Variants in TOM1L2 observed in about 807,000 individuals in gnomAD.
The protein encoded by TOM1L2 is TOM1-like protein 2.
A neutral mutation model predicts 67.9 loss-of-function variants in TOM1L2; 31 were observed. That is an observed-to-expected ratio of 0.46 (90% confidence interval 0.34 to 0.62). The LOEUF is 0.62. TOM1L2 is among the 20% of genes least tolerant of loss of function. The probability of loss-of-function intolerance (pLI) is 0.01; values close to 1 mark genes in which losing one functional copy is unlikely to be tolerated. For synonymous variants in TOM1L2, 256 were observed against 254.0 expected (o/e 1.01, Z -0.07); for missense variants, 606 against 663.5 (o/e 0.91, Z 0.95).
chr17:17,965,842 C>T (rs1369763249), intron 1 of TOM1L2, among the ~76,000 whole-genome samples: 5 of 152,126 alleles, frequency 3.3e-5, no homozygotes, highest in Admixed American at 6.5e-5. Context: ...AAAACGGGGC[C>T]GGGCATGGTG....
chr17:17,912,366 GGA>G (rs2039414270), intron 1 of TOM1L2, among the ~76,000 whole-genome samples: 1 of 148,554 alleles, frequency 6.7e-6, no homozygotes, highest in South Asian at 2.2e-4. Flanking sequence ...GCTGCCGGGC[GGA>G]GAGGCTCCTC....
chr17:17,877,293 A>G (rs571915080), intron 7 of TOM1L2, among the ~76,000 whole-genome samples: 2 of 151,614 alleles, frequency 1.3e-5, no homozygotes, highest in South Asian at 4.2e-4. Flanking sequence ...TATTCCCCCC[A>G]CCTCCTACCC....
At chr17:17,894,266 A>G (rs2038445509) in intron 3 of TOM1L2, among the ~76,000 whole-genome samples, 1 of 152,166 alleles carries the variant, frequency 6.6e-6, no homozygotes, top group Non-Finnish European at 1.5e-5. Context: ...ATATGTGAGA[A>G]AGCAAATGCA....
chr17:17,932,954 T>C (rs1484784959), intron 1 of TOM1L2, among the ~76,000 whole-genome samples: 4 of 152,222 alleles, frequency 2.6e-5, no homozygotes, highest in Non-Finnish European at 5.9e-5. Context: ...CATTTCCCCC[T>C]TGTAAAATAT....
intron 2 of TOM1L2, among the ~76,000 whole-genome samples, chr17:17,905,804 ACTC>A (rs1267463511): frequency 6.6e-6 from 1 of 150,990 alleles, no homozygotes; most frequent in Non-Finnish European, 1.5e-5. Context: ...GGACCACACC[ACTC>A]CTCTGCTTGA....
intron 1 of TOM1L2, among the ~76,000 whole-genome samples, chr17:17,927,950 C>T (rs1481845212): frequency 6.6e-6 from 1 of 152,106 alleles, no homozygotes; most frequent in African/African-American, 2.4e-5. Context: ...GATTCCTTAT[C>T]TTTTAGAAAT....
intron 1 of TOM1L2, among the ~76,000 whole-genome samples, chr17:17,950,562 A>G (rs2041158613): frequency 6.6e-6 from 1 of 152,054 alleles, no homozygotes; most frequent in Admixed American, 6.6e-5. Context: ...CGCTGTTCCA[A>G]TACTTTGTAT....
chr17:17,945,023 G>C (rs2040882939), intron 1 of TOM1L2, among the ~76,000 whole-genome samples: 1 of 152,076 alleles, frequency 6.6e-6, no homozygotes, highest in African/African-American at 2.4e-5. Context: ...TCATCCTCCG[G>C]GGCCAATGGA....
intron 10 of TOM1L2, among the ~76,000 whole-genome samples, chr17:17,865,032 G>A (rs908913311): frequency 6.6e-6 from 1 of 152,144 alleles, no homozygotes; most frequent in African/African-American, 2.4e-5. Context: ...AATTTTGAGG[G>A]CCATGCTTAT....
At chr17:17,931,963 T>A (rs1431208716) in intron 1 of TOM1L2, among the ~76,000 whole-genome samples, 1 of 152,202 alleles carries the variant, frequency 6.6e-6, no homozygotes, top group Admixed American at 6.5e-5. Flanking sequence ...AGCTGGTGTG[T>A]GTTTAATTGT....
At chr17:17,962,172 C>T (rs1235579071) in intron 1 of TOM1L2, among the ~76,000 whole-genome samples, 2 of 151,942 alleles carry the variant, frequency 1.3e-5, no homozygotes, top group African/African-American at 2.4e-5. Flanking sequence ...TATATGATTC[C>T]ACTTATATGA....
intron 2 of TOM1L2, 61 bp downstream of exon 2, chr17:17,907,386 C>T (rs1390043499): frequency 1.8e-5 from 27 of 1,511,906 alleles, no homozygotes; most frequent in Non-Finnish European, 2.4e-5. Flanking sequence ...TAGGCCCTGA[C>T]AAGCTTTGAG....
intron 1 of TOM1L2, among the ~76,000 whole-genome samples, chr17:17,956,944 C>G (rs540424546): frequency 1.5e-4 from 23 of 152,356 alleles, no homozygotes; most frequent in Middle Eastern, 6.8e-3. Flanking sequence ...CTGAAGGGCT[C>G]CTCAAGCACA....
chr17:17,883,176 C>T (rs1568159081), intron 5 of TOM1L2, among the ~76,000 whole-genome samples: 1 of 152,078 alleles, frequency 6.6e-6, no homozygotes, highest in Non-Finnish European at 1.5e-5. Context: ...TTATTAAGAC[C>T]ACCTCGGGAT....
At chr17:17,854,908 G>C (rs184787643) in intron 12 of TOM1L2, among the ~76,000 whole-genome samples, 1 of 152,132 alleles carries the variant, frequency 6.6e-6, no homozygotes, top group Non-Finnish European at 1.5e-5. Flanking sequence ...CTGAAGAAGC[G>C]TATGAGTTGG....
At chr17:17,866,252 T>C in intron 10 of TOM1L2, 44 bp downstream of exon 10, 1 of 1,569,048 alleles carries the variant, frequency 6.4e-7, no homozygotes, top group South Asian at 1.2e-5. Context: ...GGGAGGCCAG[T>C]GGTAGGAAGT....
chr17:17,958,260 T>G (rs111649260), intron 1 of TOM1L2, among the ~76,000 whole-genome samples: 39 of 152,270 alleles, frequency 2.6e-4, no homozygotes, highest in African/African-American at 9.1e-4. Context: ...ACCCAAAGTC[T>G]CACAGCAAAT....
chr17:17,929,877 A>G (rs549941471), intron 1 of TOM1L2, among the ~76,000 whole-genome samples: 1 of 152,216 alleles, frequency 6.6e-6, no homozygotes, highest in Non-Finnish European at 1.5e-5. Context: ...ATGAACACTT[A>G]GACAAGTTAA....
At chr17:17,878,361 A>C (rs1426834013) in intron 7 of TOM1L2, among the ~76,000 whole-genome samples, 1 of 152,246 alleles carries the variant, frequency 6.6e-6, no homozygotes, top group African/African-American at 2.4e-5. Flanking sequence ...AGGCTGGTGT[A>C]GTTACATGGA....
Sources: gnomAD v4.1 joint callset for allele counts (sites outside exome capture counted in the v4.1 genomes callset) on GRCh38, gnomAD v4.1.1 for gene constraint, MANE v1.5 for transcripts, NCBI Gene and HGNC (gene_info 2026-07-23, HGNC 2026-07-21) for gene names.